ZNF232: variants seen among roughly 807,000 people sequenced by gnomAD.
The protein encoded by ZNF232 is zinc finger protein 232.
ZNF232 carries 25 observed loss-of-function variants against 25.2 expected under a neutral mutation model. The ratio of observed to expected loss-of-function variants is 0.99; its 90% CI spans 0.72 to 1.39. The LOEUF is 1.39. Ranked by LOEUF, ZNF232 falls within the 40% of genes most tolerant of loss-of-function variation. The pLI, the probability that ZNF232 is intolerant of heterozygous loss-of-function variation, is 0.00. For synonymous variants in ZNF232, 193 were observed against 182.9 expected, an observed-to-expected ratio of 1.06 and a Z score of -0.45; for missense variants, 519 against 520.9, an observed-to-expected ratio of 1.00 and a Z score of 0.04.
upstream of ZNF232, chr17:5,115,061 G>C (rs1012793428): frequency 6.6e-6 from 1 of 152,154 alleles, no homozygotes; most frequent in African/African-American, 2.4e-5. Context: ...GAAAACTGGG[G>C]GCTGATGTGA....
intron 1 of ZNF232, among the ~76,000 whole-genome samples, chr17:5,118,894 C>T (rs1327046208): frequency 6.6e-6 from 1 of 152,096 alleles, no homozygotes; most frequent in Non-Finnish European, 1.5e-5. Flanking sequence ...GTGGGGCAGC[C>T]ATAGGTATTT....
At chr17:5,106,111 G>T in exon 4 of ZNF232, 5 of 1,614,170 alleles carry the variant, frequency 3.1e-6, no homozygotes, top group Non-Finnish European at 4.2e-6. Flanking sequence ...TGAATTCTCT[G>T]ATGCTGACCG....
At chr17:5,116,074 A>C (rs2072528954), upstream of ZNF232, among the ~76,000 whole-genome samples, 1 of 152,178 alleles carries the variant, frequency 6.6e-6, no homozygotes, top group Non-Finnish European at 1.5e-5. Flanking sequence ...CCCGACGCCC[A>C]GCTCCAAATG....
At chr17:5,122,448 T>C (rs1360318887) in intron 1 of ZNF232, among the ~76,000 whole-genome samples, 1 of 152,196 alleles carries the variant, frequency 6.6e-6, no homozygotes, top group Non-Finnish European at 1.5e-5. Flanking sequence ...AGTCACACGT[T>C]GCAGCTTTTT....
upstream of ZNF232, among the ~76,000 whole-genome samples, chr17:5,115,853 C>T (rs1384537866): frequency 6.6e-6 from 1 of 152,174 alleles, no homozygotes; most frequent in Non-Finnish European, 1.5e-5. Context: ...CCGGGCGCAC[C>T]CCGCGCCGCC....
intron 3 of ZNF232, 180 bp downstream of exon 3, chr17:5,108,746 T>C: frequency 2.2e-6 from 2 of 921,410 alleles, no homozygotes; most frequent in Middle Eastern, 3.0e-4. Context: ...TTATTCTTAC[T>C]CCTAATTTTA....
At chr17:5,121,948 A>G (rs1041184284) in intron 1 of ZNF232, among the ~76,000 whole-genome samples, 5 of 152,160 alleles carry the variant, frequency 3.3e-5, no homozygotes, top group African/African-American at 1.2e-4. Flanking sequence ...TCTGGATTAG[A>G]TCACGTAGGC....
chr17:5,114,224 C>A (rs1022959768), upstream of ZNF232: 1 of 152,300 alleles, frequency 6.6e-6, no homozygotes, highest in African/African-American at 2.4e-5. Context: ...AATTCTTCCA[C>A]GCTCGCTACA....
intron 3 of ZNF232, 36 bp from the exon 4 acceptor site, chr17:5,106,569 G>T: frequency 6.6e-7 from 1 of 1,508,018 alleles, no homozygotes; most frequent in Non-Finnish European, 9.0e-7. Flanking sequence ...AGATTAAAAT[G>T]TATATTTCTG....
intron 1 of ZNF232, chr17:5,111,469 A>G (rs186908800): frequency 1.8e-4 from 78 of 442,508 alleles, no homozygotes; most frequent in African/African-American, 1.4e-3. Context: ...CGCTGGCCCC[A>G]GCAAAACTTC....
exon 4 of ZNF232, chr17:5,106,296 T>C: frequency 6.2e-7 from 1 of 1,614,278 alleles, no homozygotes; most frequent in Non-Finnish European, 8.5e-7. Context: ...GACAACCATC[T>C]GCCTGAAACT....
intron 1 of ZNF232, among the ~76,000 whole-genome samples, chr17:5,120,325 G>A (rs2072625041): frequency 6.6e-6 from 1 of 152,100 alleles, no homozygotes; most frequent in African/African-American, 2.4e-5. Flanking sequence ...GGTCGCCTGT[G>A]GTCATCCTCC....
chr17:5,115,473 C>G (rs746655655), upstream of ZNF232, among the ~76,000 whole-genome samples: 6 of 151,972 alleles, frequency 3.9e-5, no homozygotes, highest in Non-Finnish European at 8.8e-5. Context: ...ACAGCTTTAA[C>G]CCGGGAGGCG....
chr17:5,111,653 G>T, intron 1 of ZNF232, 147 bp downstream of exon 1: 3 of 1,195,646 alleles, frequency 2.5e-6, no homozygotes, highest in African/African-American at 1.5e-5. Context: ...AGCGCAGCGC[G>T]GGCACCACGG....
At chr17:5,115,519 C>G (rs948434630), upstream of ZNF232, among the ~76,000 whole-genome samples, 18 of 149,488 alleles carry the variant, frequency 1.2e-4, no homozygotes, top group African/African-American at 4.2e-4. Flanking sequence ...CCACTGCACT[C>G]CGGCTTGGGC....
chr17:5,109,658 G>T, exon 2 of ZNF232: 1 of 1,614,184 alleles, frequency 6.2e-7, no homozygotes, highest in Non-Finnish European at 8.5e-7. Flanking sequence ...AGCGTTGGCG[G>T]AAGATCTCTT....
chr17:5,117,836 T>A (rs2072569310), intron 1 of ZNF232, among the ~76,000 whole-genome samples: 1 of 152,074 alleles, frequency 6.6e-6, no homozygotes, highest in African/African-American at 2.4e-5. Flanking sequence ...GGCTCACACC[T>A]GTAATCCCAG....
chr17:5,116,702 G>A (rs2072546947), upstream of ZNF232: 1 of 152,264 alleles, frequency 6.6e-6, no homozygotes, highest in Non-Finnish European at 1.5e-5. Flanking sequence ...TTCGAGTCGG[G>A]CCGACCGGAA....
At chr17:5,116,609 G>A (rs79194443), upstream of ZNF232, 9,377 of 152,350 alleles carry the variant, frequency 0.062, 354 homozygotes, top group East Asian at 0.16. Context: ...CCTCACCAGG[G>A]GTCTGTCAGG....
Sources: allele counts gnomAD v4.1 joint callset (sites outside exome capture counted in the v4.1 genomes callset), GRCh38; gene constraint gnomAD v4.1.1; transcripts MANE v1.5; gene names NCBI Gene and HGNC (gene_info 2026-07-23, HGNC 2026-07-21).